FREM1: variants seen among roughly 807,000 people sequenced by gnomAD.
FREM1 encodes the protein FRAS1-related extracellular matrix protein 1.
Under a neutral mutation model 210.1 loss-of-function variants are expected in FREM1, and 220 were observed. The observed-to-expected ratio is 1.05, with a 90% CI of 0.94 to 1.17. The LOEUF is 1.17. Ranked by LOEUF, FREM1 falls within the 50% of genes most tolerant of loss-of-function variation. The pLI, the probability that FREM1 is intolerant of heterozygous loss-of-function variation, is 0.00. For synonymous variants in FREM1, 1,189 were observed against 980.2 expected (o/e 1.21, Z -3.98); for missense variants, 3,454 against 2,675.5 (o/e 1.29, Z -6.42).
chr9:14,821,789 G>A (rs1420283133), intron 13 of FREM1, among the ~76,000 whole-genome samples: 1 of 152,230 alleles, frequency 6.6e-6, no homozygotes, highest in South Asian at 2.1e-4. Flanking sequence ...GGCTGCTGTA[G>A]GGTGTGCGGG....
intron 5 of FREM1, among the ~76,000 whole-genome samples, chr9:14,854,042 C>T (rs1370634286): frequency 6.6e-6 from 1 of 152,014 alleles, no homozygotes; most frequent in African/African-American, 2.4e-5. Context: ...AAGCAATTGC[C>T]AGGAGAAAGG....
intron 35 of FREM1, among the ~76,000 whole-genome samples, chr9:14,742,252 C>A (rs1841705918): frequency 1.3e-5 from 2 of 152,112 alleles, no homozygotes; most frequent in Non-Finnish European, 2.9e-5. Context: ...ATCTACTTCT[C>A]TGAAAATTTT....
In FREM1 at chr9:14,898,201, C is replaced by T. The variant is rs1320095892; in HGVS notation, c.-268+11713G>A. On this transcript the variant is annotated intron_variant, in intron 1 of 36. Coordinates refer to ENST00000380880, the MANE Select transcript of FREM1 (RefSeq NM_001379081.2). ...CAAGGTTCCTATTCTTCCTTGGGCT[C>T]TGTTTCCTCATCTACAAAATGAAGA... Among the ~76,000 whole-genome samples, 4 of 152,260 alleles carry T rather than the reference C, an allele frequency of 2.6e-5. No homozygotes were observed. In the East Asian group the frequency reaches 5.8e-4, roughly 22 times the overall value.
chr9:14,893,064 C>T (rs1837134964), intron 1 of FREM1, among the ~76,000 whole-genome samples: 1 of 152,118 alleles, frequency 6.6e-6, no homozygotes, highest in Non-Finnish European at 1.5e-5. Flanking sequence ...GCGGCTTGGC[C>T]CCCAGAGCTG....
rs116837658 is a variant in FREM1 at position 14,898,064 on chromosome 9, G to A, written c.-268+11850C>T. Reference sequence around the variant, plus strand: ...AGTGCTAAAAAAGGAGGATGAGAGAGTTTAATTCTTTGATGCAGGTTTGGA... The same window carrying A: ...AGTGCTAAAAAAGGAGGATGAGAGAATTTAATTCTTTGATGCAGGTTTGGA... On this transcript the variant is annotated intron_variant, in intron 1 of 36. Coordinates refer to ENST00000380880, the MANE Select transcript of FREM1 (RefSeq NM_001379081.2). Among the ~76,000 whole-genome samples, 1,052 of 152,320 alleles carry A rather than the reference G, an allele frequency of 6.9e-3. 13 individuals carry two copies. The highest frequency in any genetic ancestry group is 0.024 in the African/African-American group (1,004 of 41,568).
At chr9:14,825,547 G>GTGTATATATATATATATATATA in intron 10 of FREM1, among the ~76,000 whole-genome samples, 1 of 75,928 alleles carries the variant, frequency 1.3e-5, no homozygotes, top group African/African-American at 5.6e-5. Context: ...GTGTGTGTGT[G>GTGTATATATATATATATATATA]TATATATATA....
At chr9:14,848,813 G>A (rs368264225) in intron 6 of FREM1, 40 bp from the exon 7 acceptor site, 75 of 1,228,666 alleles carry the variant, frequency 6.1e-5, no homozygotes, top group African/African-American at 3.9e-4. Context: ...ACACTGAAGC[G>A]TTACAGGGTA....
At chr9:14,804,255 A>T (rs1817920680) in intron 19 of FREM1, among the ~76,000 whole-genome samples, 7 of 152,066 alleles carry the variant, frequency 4.6e-5, no homozygotes. Flanking sequence ...CATATTTTTC[A>T]CTCTCCAGTA....
chr9:14,747,018 G>A lies in FREM1; in HGVS notation c.6043C>T (p.Leu2015=). 6.2e-7 allele frequency: 1 copy of A among 1,613,110 alleles called. No individual in the cohort carries two copies. Among genetic ancestry groups the A allele is most frequent in the South Asian group, 1.1e-5 (1 of 90,908 alleles). ...AAATGGAAGAGTCCCTTTAATTCCA[G>A]AGTGCAGTTCTTTGGAAATGAGGGC... The part of the protein sequence containing the change: ...QLPSFPKNCT[L]ELKGLFHFEE... The change falls in exon 34 of 37, where the codon CTG becomes TTG. Residue 2015 remains leucine, a synonymous_variant. Coordinates refer to ENST00000380880, the MANE Select transcript of FREM1 (RefSeq NM_001379081.2).
intron 35 of FREM1, among the ~76,000 whole-genome samples, chr9:14,741,411 T>C (rs7036802): frequency 0.13 from 20,159 of 152,248 alleles, 1,648 homozygotes; most frequent in Non-Finnish European, 0.19. Flanking sequence ...TTTCTAGGCC[T>C]TCTTAGATAT....
intron 27 of FREM1, among the ~76,000 whole-genome samples, chr9:14,769,012 C>A (rs953465739): frequency 2.0e-5 from 3 of 152,064 alleles, no homozygotes; most frequent in Non-Finnish European, 4.4e-5. Context: ...GGACTCTGAC[C>A]GACCTTTCTA....
chr9:14,886,384 CAAAAA>C (rs60702421), intron 1 of FREM1, among the ~76,000 whole-genome samples: 59 of 59,794 alleles, frequency 9.9e-4, no homozygotes, highest in Admixed American at 2.4e-3. Context: ...GACTCCGACT[CAAAAA>C]AAAAAAAAAA....
intron 19 of FREM1, among the ~76,000 whole-genome samples, chr9:14,802,830 A>G (rs752050007): frequency 6.6e-6 from 1 of 152,252 alleles, no homozygotes. Context: ...ATCAATAACT[A>G]TAACTCAAGG....
At chr9:14,764,236 A>T (rs1846007907) in intron 27 of FREM1, among the ~76,000 whole-genome samples, 1 of 152,108 alleles carries the variant, frequency 6.6e-6, no homozygotes, top group Admixed American at 6.6e-5. Flanking sequence ...GTCCTCCCCA[A>T]CTATTTGAAA....
intron 1 of FREM1, among the ~76,000 whole-genome samples, chr9:14,893,452 C>T (rs1354875702): frequency 6.6e-6 from 1 of 152,140 alleles, no homozygotes; most frequent in East Asian, 1.9e-4. Context: ...ACCATGTGGC[C>T]CTGCTTTCTC....
intron 17 of FREM1, among the ~76,000 whole-genome samples, chr9:14,807,472 T>C (rs1818586424): frequency 6.6e-6 from 1 of 152,156 alleles, no homozygotes; most frequent in African/African-American, 2.4e-5. Flanking sequence ...ATAATGCCTA[T>C]GAAAAGATGA....
At chr9:14,746,808 C>A (rs1842524773) in intron 34 of FREM1, 115 bp downstream of exon 34, 1 of 1,284,956 alleles carries the variant, frequency 7.8e-7, no homozygotes. Context: ...AAGTTGTTAA[C>A]AATGGCAGGA....
At chr9:14,831,817 C>G (rs1262190790) in intron 10 of FREM1, among the ~76,000 whole-genome samples, 1 of 152,210 alleles carries the variant, frequency 6.6e-6, no homozygotes, top group Admixed American at 6.5e-5. Context: ...GACAGAGTGA[C>G]TAAGGCCCAA....
intron 35 of FREM1, among the ~76,000 whole-genome samples, chr9:14,745,034 G>A (rs1842167659): frequency 6.6e-6 from 1 of 152,172 alleles, no homozygotes. Context: ...ACCAAATGCT[G>A]CATGTTCTCA....
Sources: gnomAD v4.1 joint callset for allele counts (sites outside exome capture counted in the v4.1 genomes callset) on GRCh38, gnomAD v4.1.1 for gene constraint, MANE v1.5 for transcripts, NCBI Gene and HGNC (gene_info 2026-07-23, HGNC 2026-07-21) for gene names.